Variants in VRK2 observed in about 807,000 individuals in gnomAD.
VRK2 encodes VRK serine/threonine kinase 2, also known as serine/threonine-protein kinase VRK2.
A neutral mutation model predicts 57.6 loss-of-function variants in VRK2; 60 were observed. The observed-to-expected ratio is 1.04, with a 90% CI of 0.85 to 1.29. The LOEUF (loss-of-function observed/expected upper bound fraction) is 1.29, where lower values mean the gene tolerates loss of function less well. Among genes scored for constraint, VRK2 ranks in the 50% most tolerant of loss-of-function variants. VRK2 has a pLI of 0.00. For missense variants in VRK2, 705 were observed against 588.1 expected (o/e 1.20, Z -2.06); for synonymous variants, 231 against 199.2 (o/e 1.16, Z -1.35).
intron 1 of VRK2, among the ~76,000 whole-genome samples, chr2:58,024,699 C>T (rs1046940616): frequency 3.3e-5 from 5 of 152,120 alleles, no homozygotes; most frequent in African/African-American, 1.2e-4. Context: ...GGGCCAAAAC[C>T]TCTTAAGACA....
chr2:58,058,916 G>A (rs1676935427), intron 2 of VRK2, among the ~76,000 whole-genome samples: 1 of 151,986 alleles, frequency 6.6e-6, no homozygotes, highest in Non-Finnish European at 1.5e-5. Context: ...AAGAACACTT[G>A]AATTTATTGT....
upstream of VRK2, among the ~76,000 whole-genome samples, chr2:58,044,458 C>T (rs550271944): frequency 2.0e-5 from 3 of 152,128 alleles, no homozygotes; most frequent in South Asian, 2.1e-4. Context: ...ACAGTAGTGA[C>T]GAAAACAGGC....
chr2:57,988,186 T>G (rs1302265342), intron 1 of VRK2, among the ~76,000 whole-genome samples: 5 of 152,230 alleles, frequency 3.3e-5, no homozygotes, highest in Non-Finnish European at 7.3e-5. Flanking sequence ...AAAAAACTCA[T>G]TTCATTTTCA....
intron 12 of VRK2, among the ~76,000 whole-genome samples, chr2:58,151,731 G>GTTCTTTTTTTTT (rs1683068421): frequency 1.2e-4 from 2 of 16,722 alleles, no homozygotes; most frequent in Admixed American, 1.1e-3. Context: ...TTCTATGCTT[G>GTTCTTTTTTTTT]TTTTTTTTTT....
chr2:58,093,940 G>C (rs1235603620), intron 7 of VRK2, among the ~76,000 whole-genome samples: 1 of 152,102 alleles, frequency 6.6e-6, no homozygotes, highest in Non-Finnish European at 1.5e-5. Context: ...CCCATTTCTT[G>C]TTTTTGTCAG....
At chr2:57,958,658 G>A (rs1161503453) in intron 1 of VRK2, among the ~76,000 whole-genome samples, 1 of 151,910 alleles carries the variant, frequency 6.6e-6, no homozygotes, top group Non-Finnish European at 1.5e-5. Context: ...TAATTCTACT[G>A]CTACATTATG....
chr2:58,098,621 T>TATAAGTTGTACC (rs1391821756), intron 7 of VRK2, among the ~76,000 whole-genome samples: 4 of 152,100 alleles, frequency 2.6e-5, no homozygotes, highest in Non-Finnish European at 5.9e-5. Flanking sequence ...GCCTAGGAGC[T>TATAAGTTGTACC]ATAAGTTGTA....
At chr2:58,099,630 A>G (rs1257291109) in intron 7 of VRK2, among the ~76,000 whole-genome samples, 1 of 151,998 alleles carries the variant, frequency 6.6e-6, no homozygotes, top group East Asian at 1.9e-4. Flanking sequence ...CAAGCTGCCT[A>G]CTAGGTCAAA....
At chr2:58,060,666 C>T (rs1213500204) in intron 2 of VRK2, among the ~76,000 whole-genome samples, 1 of 151,700 alleles carries the variant, frequency 6.6e-6, no homozygotes, top group South Asian at 2.1e-4. Flanking sequence ...TAATGAAAAA[C>T]GTGAGAAAGA....
chr2:58,055,513 A>G (rs1375187282), intron 2 of VRK2, among the ~76,000 whole-genome samples: 1 of 150,698 alleles, frequency 6.6e-6, no homozygotes, highest in African/African-American at 2.4e-5. Flanking sequence ...AAGAGAAAGT[A>G]TTGTAATGAA....
chr2:58,043,470 G>C (rs72951025), upstream of VRK2, among the ~76,000 whole-genome samples: 3,126 of 152,126 alleles, frequency 0.021, 122 homozygotes, highest in African/African-American at 0.072. Flanking sequence ...CCAGCTCTTC[G>C]ATTTCGAATA....
intron 7 of VRK2, among the ~76,000 whole-genome samples, chr2:58,119,064 C>A (rs1486410440): frequency 1.3e-5 from 2 of 152,188 alleles, no homozygotes. Context: ...TTACTTCAGG[C>A]CATCTGGGCA....
chr2:58,057,093 CAG>C (rs1676635563), intron 2 of VRK2, among the ~76,000 whole-genome samples: 1 of 152,132 alleles, frequency 6.6e-6, no homozygotes, highest in Non-Finnish European at 1.5e-5. Flanking sequence ...TGTGTGCACA[CAG>C]ACACTACATT....
In VRK2 at chr2:58,086,239, A is replaced by G. The variant is rs149330641; in HGVS notation, c.257-100A>G. On this transcript the variant is annotated intron_variant, in intron 4 of 12. Coordinates refer to ENST00000340157, the MANE Select transcript of VRK2 (RefSeq NM_006296.7). ...AAAAAATTATCTTCTAGGAAGATCTAATTACTTTTTTGGTTAGCTAAATAA... is the reference window on the plus strand; with the variant it reads ...AAAAAATTATCTTCTAGGAAGATCTGATTACTTTTTTGGTTAGCTAAATAA... 110 of 993,388 alleles carry G rather than the reference A, an allele frequency of 1.1e-4. No homozygotes were observed. The East Asian group carries it at 2.7e-3, about 24-fold the overall frequency. The allele number at this position is 993,388 out of a possible 1,614,324, so 61.5% of individuals were successfully genotyped here. A position where few individuals can be genotyped will look rare whatever the true frequency, so the allele number is the denominator to read the frequency against.
intron 1 of VRK2, among the ~76,000 whole-genome samples, chr2:57,944,557 A>G (rs1671198787): frequency 6.6e-6 from 1 of 152,204 alleles, no homozygotes; most frequent in Admixed American, 6.5e-5. Context: ...TAACACGGTG[A>G]AACCCCGTCT....
At chr2:57,944,300 A>T (rs1195424695) in intron 1 of VRK2, among the ~76,000 whole-genome samples, 2 of 152,206 alleles carry the variant, frequency 1.3e-5, no homozygotes, top group East Asian at 3.8e-4. Context: ...GATAAACAAT[A>T]ATTAATTTTG....
intron 1 of VRK2, among the ~76,000 whole-genome samples, chr2:58,013,731 C>G (rs1014734734): frequency 1.3e-4 from 20 of 151,250 alleles, no homozygotes; most frequent in Non-Finnish European, 3.0e-4. Flanking sequence ...CAGTGGCGGG[C>G]GCCTGTAGTC....
At chr2:57,910,935 C>G (rs940019406) in intron 1 of VRK2, among the ~76,000 whole-genome samples, 5 of 152,124 alleles carry the variant, frequency 3.3e-5, no homozygotes, top group African/African-American at 1.2e-4. Flanking sequence ...AGTTTGCAGA[C>G]TAGGCCCAAA....
At chr2:57,979,866 T>C (rs1317614618) in intron 1 of VRK2, among the ~76,000 whole-genome samples, 3 of 152,226 alleles carry the variant, frequency 2.0e-5, no homozygotes, top group African/African-American at 7.2e-5. Flanking sequence ...TTTGTATTTC[T>C]GTAGGATTTG....
Sources: gnomAD v4.1 joint callset for allele counts (sites outside exome capture counted in the v4.1 genomes callset) on GRCh38, gnomAD v4.1.1 for gene constraint, MANE v1.5 for transcripts, NCBI Gene and HGNC (gene_info 2026-07-23, HGNC 2026-07-21) for gene names.